Variants in MAGED1 observed in about 807,000 individuals in gnomAD.
The protein encoded by MAGED1 is MAGE family member D1.
A neutral mutation model predicts 54.1 loss-of-function variants in MAGED1; 3 were observed. That is an observed-to-expected ratio of 0.06 (90% CI 0.03 to 0.14). The LOEUF is 0.14. MAGED1 is among the 10% of genes least tolerant of loss of function. The pLI, the probability that MAGED1 is intolerant of heterozygous loss-of-function variation, is 1.00. For missense variants in MAGED1, 485 were observed against 623.4 expected, an observed-to-expected ratio of 0.78 and a Z score of 2.36; for synonymous variants, 217 against 227.3, an observed-to-expected ratio of 0.95 and a Z score of 0.41.
At chrX:51,860,750 GA>G (rs1314255178) in intron 1 of MAGED1, among the ~76,000 whole-genome samples, 88 of 104,701 alleles carry the variant, frequency 8.4e-4, no homozygotes, top group Admixed American at 3.7e-3. Flanking sequence ...TGTGGAGTGA[GA>G]AAAAAAAAAG....
At chrX:51,866,682 G>A (rs1330972094) in intron 1 of MAGED1, among the ~76,000 whole-genome samples, 2 of 112,082 alleles carry the variant, frequency 1.8e-5, no homozygotes, top group African/African-American at 3.2e-5. Flanking sequence ...CATTCTATAA[G>A]ACTAAATTCT....
At chrX:51,897,352 T>C in intron 5 of MAGED1, 81 bp downstream of exon 5, 1 of 953,758 alleles carries the variant, frequency 1.0e-6, no homozygotes, top group South Asian at 2.0e-5. Context: ...CTTGTAGCTC[T>C]GCCCTTCCCT....
intron 1 of MAGED1, among the ~76,000 whole-genome samples, chrX:51,842,817 C>T (rs1301941246): frequency 1.8e-5 from 2 of 109,785 alleles, no homozygotes; most frequent in East Asian, 5.7e-4. Flanking sequence ...CCCTGAGTAG[C>T]TGGGACCACA....
chrX:51,898,732 A>G, intron 10 of MAGED1, 89 bp downstream of exon 10: 7 of 866,072 alleles, frequency 8.1e-6, no homozygotes, highest in Non-Finnish European at 1.1e-5. Flanking sequence ...GCTGGATACA[A>G]TGGCTCATGC....
At chrX:51,877,315 T>C (rs1557362101) in intron 1 of MAGED1, among the ~76,000 whole-genome samples, 1 of 111,356 alleles carries the variant, frequency 9.0e-6, no homozygotes, top group Non-Finnish European at 1.9e-5. Flanking sequence ...TAATAATAAA[T>C]ACAGTTTGAA....
chrX:51,879,795 T>G (rs782686081), intron 1 of MAGED1, among the ~76,000 whole-genome samples: 1 of 112,185 alleles, frequency 8.9e-6, no homozygotes, highest in East Asian at 2.8e-4. Flanking sequence ...AAGTGATTGA[T>G]TTTTAGTTTG....
chrX:51,877,249 C>T (rs1472199256), intron 1 of MAGED1, among the ~76,000 whole-genome samples: 2 of 110,976 alleles, frequency 1.8e-5, no homozygotes, highest in African/African-American at 6.5e-5. Context: ...AAAGAATTCT[C>T]ACAGCAAAAT....
At chrX:51,898,034 G>A in intron 7 of MAGED1, 80 bp from the exon 8 acceptor site, 1 of 957,249 alleles carries the variant, frequency 1.0e-6, no homozygotes, top group Non-Finnish European at 1.5e-6. Flanking sequence ...GAGGAATATT[G>A]GGGAGGCTAG....
chrX:51,894,154 G>T, intron 1 of MAGED1, 115 bp from the exon 2 acceptor site: 2 of 464,967 alleles, frequency 4.3e-6, no homozygotes, highest in South Asian at 6.8e-5. Context: ...GCTCCGATCC[G>T]TTCCTCCTCA....
intron 1 of MAGED1, among the ~76,000 whole-genome samples, chrX:51,807,692 C>T (rs1354795991): frequency 2.7e-5 from 3 of 111,461 alleles, no homozygotes; most frequent in Non-Finnish European, 5.6e-5. Flanking sequence ...CATTCTTTCC[C>T]TTTTGTAGTG....
chrX:51,841,539 A>C (rs375652914), intron 1 of MAGED1, among the ~76,000 whole-genome samples: 1 of 107,769 alleles, frequency 9.3e-6, no homozygotes, highest in African/African-American at 3.4e-5. Flanking sequence ...GTATTGCCTA[A>C]GTTTTCTTCT....
Position 51,897,287 on chromosome X carries a change from C to T in MAGED1, c.1486+16C>T. 1 of 1,198,929 alleles carries T rather than the reference C, an allele frequency of 8.3e-7. No individual in the cohort carries two copies. Among genetic ancestry groups the T allele is most frequent in the Non-Finnish European group, 1.1e-6 (1 of 884,959 alleles). ...AAGCGCTCAGGTATGCATCCAGTGTCCCCTCCCCAAGCTCTGCCCTTCCCT... is the reference window on the plus strand; with the variant it reads ...AAGCGCTCAGGTATGCATCCAGTGTTCCCTCCCCAAGCTCTGCCCTTCCCT... On this transcript the variant is annotated intron_variant, in intron 5 of 12. Coordinates refer to ENST00000326587, the MANE Select transcript of MAGED1 (RefSeq NM_006986.4).
Position 51,898,106 on chromosome X carries a change from TC to T in MAGED1, c.1659-5del, listed in dbSNP as rs782224322. The T allele has an allele frequency of 2.8e-5, 33 of 1,199,213 alleles. No homozygotes were observed. The highest frequency in any genetic ancestry group is 3.7e-5 in the Non-Finnish European group (33 of 886,789). ...TACTGAAAATATATTCTTTCTATAT[TC>T]CCTTAGGACCAAAGACACACCCAAG... On this transcript the variant is annotated splice_polypyrimidine_tract_variant and splice_region_variant and intron_variant, in intron 7 of 12. Coordinates refer to ENST00000326587, the MANE Select transcript of MAGED1 (RefSeq NM_006986.4).
intron 1 of MAGED1, among the ~76,000 whole-genome samples, chrX:51,848,496 C>G (rs1003818028): frequency 2.7e-5 from 3 of 111,303 alleles, no homozygotes; most frequent in Non-Finnish European, 3.8e-5. Context: ...CTTGGTGTCC[C>G]GGGCTTTTAA....
At chrX:51,894,991 TC>T in intron 2 of MAGED1, 61 bp from the exon 3 acceptor site, 6 of 1,029,369 alleles carry the variant, frequency 5.8e-6, no homozygotes, top group Non-Finnish European at 6.5e-6. Flanking sequence ...GGCTCCCTAT[TC>T]CCACCCCACC....
intron 1 of MAGED1, among the ~76,000 whole-genome samples, chrX:51,838,738 C>T (rs1275245587): frequency 9.0e-6 from 1 of 111,491 alleles, no homozygotes; most frequent in Non-Finnish European, 1.9e-5. Context: ...GGAATTTCTT[C>T]CTAAGATCTG....
chrX:51,858,933 C>T (rs1359284695), intron 1 of MAGED1, among the ~76,000 whole-genome samples: 3 of 111,399 alleles, frequency 2.7e-5, no homozygotes, highest in African/African-American at 9.8e-5. Flanking sequence ...CAAAAATAAG[C>T]GTGACTTTCA....
chrX:51,871,997 G>C (rs1458768930), intron 1 of MAGED1, among the ~76,000 whole-genome samples: 1 of 111,786 alleles, frequency 8.9e-6, no homozygotes, highest in Admixed American at 9.4e-5. Context: ...TCTCATTGTG[G>C]TTTTGATTTG....
intron 2 of MAGED1, 198 bp downstream of exon 2, chrX:51,894,547 AG>A: frequency 1.1e-6 from 1 of 918,237 alleles, no homozygotes; most frequent in Admixed American, 2.9e-5. Context: ...GCTCAGAGAG[AG>A]GGGAGACCCT....
Sources: allele counts gnomAD v4.1 joint callset (sites outside exome capture counted in the v4.1 genomes callset), GRCh38; gene constraint gnomAD v4.1.1; transcripts MANE v1.5; gene names NCBI Gene and HGNC (gene_info 2026-07-23, HGNC 2026-07-21).